The following GALNT17 variants were observed in gnomAD, a reference collection of about 807,000 sequenced individuals.
GALNT17 encodes polypeptide N-acetylgalactosaminyltransferase 17.
GALNT17 carries 29 observed loss-of-function variants against 63.7 expected under a neutral mutation model. That is an observed-to-expected ratio of 0.46 (90% CI 0.34 to 0.62). The LOEUF is 0.62. Among genes scored for constraint, GALNT17 ranks in the 20% least tolerant of loss-of-function variants. GALNT17 has a pLI of 0.01. For synonymous variants in GALNT17, 305 were observed against 318.3 expected (o/e 0.96, Z 0.45); for missense variants, 603 against 799.6 (o/e 0.75, Z 2.97).
At chr7:71,366,378 C>T (rs189758667) in intron 2 of GALNT17, among the ~76,000 whole-genome samples, 90 of 152,156 alleles carry the variant, frequency 5.9e-4, no homozygotes, top group African/African-American at 2.0e-3. Context: ...GTCAAGAGAT[C>T]GAGACCATCC....
intron 6 of GALNT17, among the ~76,000 whole-genome samples, chr7:71,588,520 G>GT (rs908248944): frequency 6.6e-6 from 1 of 152,072 alleles, no homozygotes; most frequent in Non-Finnish European, 1.5e-5. Context: ...GTTCACTTTT[G>GT]TTTTTTCTTT....
intron 4 of GALNT17, among the ~76,000 whole-genome samples, chr7:71,416,805 C>G (rs536780529): frequency 1.7e-4 from 26 of 152,128 alleles, no homozygotes; most frequent in Non-Finnish European, 2.8e-4. Flanking sequence ...GGTAAAGCTC[C>G]CCAGAATGTA....
chr7:71,264,622 T>A (rs1790453815), intron 1 of GALNT17, among the ~76,000 whole-genome samples: 3 of 152,146 alleles, frequency 2.0e-5, no homozygotes, highest in Non-Finnish European at 4.4e-5. Flanking sequence ...GTGGTGTGTA[T>A]GCACAGCAGA....
At position 71,196,638 on chromosome 7, in the gene GALNT17, A is replaced by G. The variant is rs983463042; in HGVS notation, c.238+63598A>G. Reference sequence around the variant, plus strand: ...AGACTGTTGCTTAATTAAAAAAAAAATTATTATTATTTATTTTTGAGACGG... The same window carrying G: ...AGACTGTTGCTTAATTAAAAAAAAAGTTATTATTATTTATTTTTGAGACGG... On this transcript the variant is annotated intron_variant, in intron 1 of 10. Transcript: ENST00000333538. Among the ~76,000 whole-genome samples, 6 of 150,372 alleles carry G rather than the reference A, an allele frequency of 4.0e-5. No individual in the cohort carries two copies. The South Asian group carries it at 6.3e-4, about 16-fold the overall frequency.
chr7:71,538,661 T>C (rs1328971873), intron 5 of GALNT17, among the ~76,000 whole-genome samples: 1 of 152,146 alleles, frequency 6.6e-6, no homozygotes, highest in Non-Finnish European at 1.5e-5. Context: ...CAGGAACAGC[T>C]TTTCCACTGT....
chr7:71,267,147 G>A (rs534407616), intron 1 of GALNT17, among the ~76,000 whole-genome samples: 33 of 152,308 alleles, frequency 2.2e-4, no homozygotes, highest in African/African-American at 7.7e-4. Flanking sequence ...GCCTCACTCC[G>A]TTTGCTAGGC....
At chr7:71,606,064 C>A (rs1790042446) in intron 6 of GALNT17, among the ~76,000 whole-genome samples, 1 of 152,052 alleles carries the variant, frequency 6.6e-6, no homozygotes, top group African/African-American at 2.4e-5. Context: ...CTTAGCCTCA[C>A]AATTAGCTGG....
intron 3 of GALNT17, among the ~76,000 whole-genome samples, chr7:71,390,727 C>T (rs1337055929): frequency 6.6e-6 from 1 of 152,192 alleles, no homozygotes; most frequent in African/African-American, 2.4e-5. Flanking sequence ...CTGTGGCCCC[C>T]TTCATCAGCC....
At chr7:71,508,738 T>A (rs1174464630) in intron 5 of GALNT17, among the ~76,000 whole-genome samples, 1 of 152,026 alleles carries the variant, frequency 6.6e-6, no homozygotes, top group Non-Finnish European at 1.5e-5. Flanking sequence ...TTTTACTATC[T>A]CCCTGCTTCA....
chr7:71,498,246 T>C (rs933813274), intron 5 of GALNT17, among the ~76,000 whole-genome samples: 1 of 152,072 alleles, frequency 6.6e-6, no homozygotes, highest in African/African-American at 2.4e-5. Flanking sequence ...TAGGCTGAGG[T>C]GGGCGGATCA....
intron 5 of GALNT17, among the ~76,000 whole-genome samples, chr7:71,428,381 A>G (rs1786799055): frequency 6.6e-6 from 1 of 151,388 alleles, no homozygotes; most frequent in African/African-American, 2.4e-5. Context: ...TTTTATTAGC[A>G]TACAGTTTAT....
intron 1 of GALNT17, among the ~76,000 whole-genome samples, chr7:71,183,231 C>T (rs1166447772): frequency 6.6e-6 from 1 of 152,106 alleles, no homozygotes; most frequent in East Asian, 1.9e-4. Flanking sequence ...GGGCATTTCA[C>T]GATTTCACCC....
chr7:71,662,847 C>G (rs774849788), intron 6 of GALNT17, among the ~76,000 whole-genome samples: 1 of 152,086 alleles, frequency 6.6e-6, no homozygotes, highest in Non-Finnish European at 1.5e-5. Flanking sequence ...ATAGTTTTAG[C>G]TCTTATGTTT....
Position 71,665,613 on chromosome 7 carries a change from T to G in GALNT17, c.1266+17T>G. ...CCGCTGGAGGTAGGGATCACCAGCC[T>G]TTCCCCACCACCCCAGTACAGTGAT... On this transcript the variant is annotated intron_variant, in intron 7 of 10. Transcript: ENST00000333538. 1 of 1,610,296 alleles carries G rather than the reference T, an allele frequency of 6.2e-7. No homozygotes were observed. The highest frequency in any genetic ancestry group is 2.2e-5 in the East Asian group (1 of 44,632).
At chr7:71,280,379 T>C (rs1366879928) in intron 1 of GALNT17, among the ~76,000 whole-genome samples, 1 of 152,156 alleles carries the variant, frequency 6.6e-6, no homozygotes, top group Non-Finnish European at 1.5e-5. Context: ...ACGTGGCTCA[T>C]TTGTGGCATA....
At chr7:71,220,650 G>T (rs1789566221) in intron 1 of GALNT17, among the ~76,000 whole-genome samples, 1 of 152,106 alleles carries the variant, frequency 6.6e-6, no homozygotes, top group African/African-American at 2.4e-5. Context: ...AAGAGAAAAT[G>T]GGAGTTAAAC....
At chr7:71,191,381 G>A (rs1220056248) in intron 1 of GALNT17, among the ~76,000 whole-genome samples, 1 of 149,798 alleles carries the variant, frequency 6.7e-6, no homozygotes, top group Non-Finnish European at 1.5e-5. Context: ...TTTCTCAAGA[G>A]GTCTGCAGTC....
chr7:71,186,229 C>G (rs906429809), intron 1 of GALNT17, among the ~76,000 whole-genome samples: 1 of 152,158 alleles, frequency 6.6e-6, no homozygotes, highest in African/African-American at 2.4e-5. Context: ...AAGCCAGAAG[C>G]TAAAATTGCA....
intron 6 of GALNT17, among the ~76,000 whole-genome samples, chr7:71,640,395 A>G (rs1466579543): frequency 2.6e-5 from 4 of 152,148 alleles, no homozygotes; most frequent in Non-Finnish European, 5.9e-5. Flanking sequence ...ACTCATCTCC[A>G]AGGAGTCTGT....
Sources: gnomAD v4.1 joint callset for allele counts (sites outside exome capture counted in the v4.1 genomes callset) on GRCh38, gnomAD v4.1.1 for gene constraint, MANE v1.5 for transcripts, NCBI Gene and HGNC (gene_info 2026-07-23, HGNC 2026-07-21) for gene names.